The following ESR1 variants were observed in gnomAD, a reference collection of about 807,000 sequenced individuals.
ESR1 encodes estrogen receptor.
Under a neutral mutation model 52.7 loss-of-function variants are expected in ESR1, and 12 were observed. The observed-to-expected ratio is 0.23, with a 90% CI of 0.15 to 0.37. ESR1 has a LOEUF of 0.37. Among genes scored for constraint, ESR1 ranks in the 10% least tolerant of loss-of-function variants. The pLI is 1.00. For synonymous variants in ESR1, 305 were observed against 316.8 expected (o/e 0.96, Z 0.39); for missense variants, 584 against 779.7 (o/e 0.75, Z 2.99).
chr6:151,851,867 A>T (rs1378760470), intron 2 of ESR1, among the ~76,000 whole-genome samples: 1 of 152,144 alleles, frequency 6.6e-6, no homozygotes, highest in Non-Finnish European at 1.5e-5. Context: ...TGGCAGAGGT[A>T]TATAGGAGGG....
intron 3 of ESR1, among the ~76,000 whole-genome samples, chr6:151,929,498 T>C (rs1484242231): frequency 6.6e-6 from 1 of 152,280 alleles, no homozygotes; most frequent in African/African-American, 2.4e-5. Context: ...CCAAATAAAG[T>C]ATTTTGCATG....
chr6:151,907,416 A>G (rs1797626311), intron 3 of ESR1, among the ~76,000 whole-genome samples: 1 of 152,060 alleles, frequency 6.6e-6, no homozygotes, highest in Admixed American at 6.5e-5. Context: ...TATCTTACAT[A>G]TTAAAATTTA....
chr6:151,847,265 A>G (rs1427694792), intron 2 of ESR1, among the ~76,000 whole-genome samples: 1 of 152,204 alleles, frequency 6.6e-6, no homozygotes, highest in African/African-American at 2.4e-5. Flanking sequence ...AGCACCCTGG[A>G]TAGCTCCTTT....
intron 6 of ESR1, among the ~76,000 whole-genome samples, chr6:152,068,890 C>T (rs915480434): frequency 2.1e-5 from 2 of 95,538 alleles, no homozygotes; most frequent in African/African-American, 7.8e-5. Context: ...TCCACTTCCT[C>T]CATGGACTGG....
At chr6:151,669,163 A>AGAGAGGGAGAG (rs1322960257) in intron 1 of ESR1, among the ~76,000 whole-genome samples, 3 of 126,232 alleles carry the variant, frequency 2.4e-5, no homozygotes, top group Non-Finnish European at 5.4e-5. Flanking sequence ...AGAGAGAGAG[A>AGAGAGGGAGAG]GAGAGAGAGA....
intron 2 of ESR1, among the ~76,000 whole-genome samples, chr6:151,762,562 A>G (rs1784738370): frequency 6.6e-6 from 1 of 152,224 alleles, no homozygotes; most frequent in African/African-American, 2.4e-5. Context: ...TCTCAGTAAA[A>G]TGGAGATAAT....
At chr6:152,070,347 T>C (rs1022364490) in intron 6 of ESR1, among the ~76,000 whole-genome samples, 1 of 137,368 alleles carries the variant, frequency 7.3e-6, no homozygotes. Context: ...AACTATAGTC[T>C]AAAAGACTTT....
At chr6:151,795,964 C>A (rs944550517) in intron 2 of ESR1, among the ~76,000 whole-genome samples, 26 of 150,314 alleles carry the variant, frequency 1.7e-4, no homozygotes, top group African/African-American at 6.4e-4. Flanking sequence ...CTGGCTAACA[C>A]AGTGAAACCC....
chr6:151,852,639 G>GGTT (rs1786997723), intron 2 of ESR1, among the ~76,000 whole-genome samples: 1 of 127,902 alleles, frequency 7.8e-6, no homozygotes, highest in East Asian at 2.5e-4. Flanking sequence ...CCAAGCAGGT[G>GGTT]TTTTTTTTTT....
chr6:152,039,661 A>G (rs1011939389), intron 5 of ESR1, among the ~76,000 whole-genome samples: 1 of 152,112 alleles, frequency 6.6e-6, no homozygotes, highest in African/African-American at 2.4e-5. Flanking sequence ...TCCTGGACCC[A>G]TGAATCCTGG....
chr6:152,096,710 G>C (rs1196477344), intron 7 of ESR1: 1 of 455,998 alleles, frequency 2.2e-6, no homozygotes, highest in South Asian at 1.5e-5. Context: ...CTGTCAGGTA[G>C]AGTAGGTGAC....
At chr6:152,032,643 A>T (rs1334829455) in intron 5 of ESR1, among the ~76,000 whole-genome samples, 2 of 152,190 alleles carry the variant, frequency 1.3e-5, no homozygotes, top group Non-Finnish European at 2.9e-5. Flanking sequence ...ATAAAAGAAG[A>T]TACAAACAAA....
intron 1 of ESR1, among the ~76,000 whole-genome samples, chr6:151,834,081 C>T (rs1472408494): frequency 6.6e-6 from 1 of 152,184 alleles, no homozygotes; most frequent in East Asian, 1.9e-4. Flanking sequence ...GAAATAGGAA[C>T]ACTTTTACAC....
chr6:151,736,401 T>G (rs986934420), intron 2 of ESR1, among the ~76,000 whole-genome samples: 4 of 150,566 alleles, frequency 2.7e-5, no homozygotes, highest in African/African-American at 9.8e-5. Context: ...GAGATGGAGT[T>G]TCACTCTGTA....
intron 2 of ESR1, among the ~76,000 whole-genome samples, chr6:151,875,800 T>G (rs1413742442): frequency 6.6e-6 from 1 of 152,054 alleles, no homozygotes; most frequent in Non-Finnish European, 1.5e-5. Flanking sequence ...TGATCAGAGC[T>G]TGGATGGGAG....
intron 6 of ESR1, among the ~76,000 whole-genome samples, chr6:152,069,408 G>C (rs2048208441): frequency 7.3e-6 from 1 of 136,782 alleles, no homozygotes; most frequent in Non-Finnish European, 1.5e-5. Flanking sequence ...CAAACTTGAG[G>C]GGTTTTTTTT....
intron 2 of ESR1, among the ~76,000 whole-genome samples, chr6:151,782,863 C>T (rs1263968067): frequency 6.6e-6 from 1 of 152,160 alleles, no homozygotes; most frequent in Non-Finnish European, 1.5e-5. Context: ...CATGCTCTTT[C>T]CCATACTCCA....
chr6:151,857,262 G>A (rs972048466), intron 2 of ESR1, among the ~76,000 whole-genome samples: 3 of 152,172 alleles, frequency 2.0e-5, no homozygotes, highest in Non-Finnish European at 4.4e-5. Flanking sequence ...ACTGTTTACA[G>A]AGAATGTACA....
chr6:151,871,750 A>G (rs1341554244), intron 2 of ESR1, among the ~76,000 whole-genome samples: 1 of 151,960 alleles, frequency 6.6e-6, no homozygotes, highest in Non-Finnish European at 1.5e-5. Flanking sequence ...CCTTCCCCAC[A>G]TCTCCTGCTG....
Sources: allele counts gnomAD v4.1 joint callset (sites outside exome capture counted in the v4.1 genomes callset), GRCh38; gene constraint gnomAD v4.1.1; transcripts MANE v1.5; gene names NCBI Gene and HGNC (gene_info 2026-07-23, HGNC 2026-07-21).